Variants in TMEM50B observed in about 807,000 individuals in gnomAD.
TMEM50B encodes the protein transmembrane protein 50B, also known as HCV p7-trans-regulated protein 3.
A neutral mutation model predicts 23.4 loss-of-function variants in TMEM50B; 14 were observed. The observed-to-expected ratio is 0.60, with a 90% CI of 0.39 to 0.93. The LOEUF is 0.93. Ranked by LOEUF, TMEM50B falls within the 40% of genes least tolerant of loss-of-function variation. The pLI, the probability that TMEM50B is intolerant of heterozygous loss-of-function variation, is 0.00. For synonymous variants in TMEM50B, 64 were observed against 62.3 expected (o/e 1.03, Z -0.13); for missense variants, 159 against 193.0 (o/e 0.82, Z 1.04).
chr21:33,452,698 G>A (rs2084132905), intron 6 of TMEM50B, among the ~76,000 whole-genome samples: 1 of 152,130 alleles, frequency 6.6e-6, no homozygotes, highest in Non-Finnish European at 1.5e-5. Flanking sequence ...TCACCTAACT[G>A]CATCCCAAAA....
At chr21:33,443,861 A>C (rs1240974836) in intron 7 of TMEM50B, among the ~76,000 whole-genome samples, 1 of 91,762 alleles carries the variant, frequency 1.1e-5, no homozygotes. Flanking sequence ...AACTTCTGGG[A>C]ATCTGAAAGG....
In TMEM50B at chr21:33,436,844, C is replaced by A. The variant is rs774200880; in HGVS notation, c.*2120+2370G>T. The A allele has an allele frequency of 2.5e-6, 4 of 1,614,052 alleles. No homozygotes were observed. The African/African-American group carries it at 5.3e-5, about 22-fold the overall frequency. On this transcript the variant is annotated intron_variant and NMD_transcript_variant, in intron 8 of 8. Transcript: ENST00000420455. ...CTCCTCAAGTATTTAAAAGACCCAACTCAGCCCATCTTAGAGGCCTTGGAC... is the reference window on the plus strand; with the variant it reads ...CTCCTCAAGTATTTAAAAGACCCAAATCAGCCCATCTTAGAGGCCTTGGAC...
chr21:33,464,461 A>G (rs2084246025), intron 4 of TMEM50B, among the ~76,000 whole-genome samples: 1 of 148,442 alleles, frequency 6.7e-6, no homozygotes, highest in Admixed American at 6.7e-5. Flanking sequence ...CAGCCTCCCA[A>G]AGTGCTGGGA....
At chr21:33,453,868 C>T (rs1168224109) in intron 6 of TMEM50B, among the ~76,000 whole-genome samples, 1 of 152,038 alleles carries the variant, frequency 6.6e-6, no homozygotes, top group Non-Finnish European at 1.5e-5. Flanking sequence ...CTTTGGGAGG[C>T]TGAGGTGGGC....
intron 7 of TMEM50B, among the ~76,000 whole-genome samples, chr21:33,440,884 AAATAAT>A (rs1041458632): frequency 3.9e-4 from 59 of 152,146 alleles, no homozygotes; most frequent in African/African-American, 1.4e-3. Context: ...CTGTCTCAAA[AAATAAT>A]AATAAAATAA....
chr21:33,436,709 G>C (rs2083955752), intron 8 of TMEM50B: 1 of 763,738 alleles, frequency 1.3e-6, no homozygotes, highest in African/African-American at 1.8e-5. Flanking sequence ...GCAAGAGTAA[G>C]ACTCCATCTC....
At chr21:33,441,181 G>A (rs1288806035) in intron 7 of TMEM50B, among the ~76,000 whole-genome samples, 1 of 151,740 alleles carries the variant, frequency 6.6e-6, no homozygotes, top group Admixed American at 6.6e-5. Flanking sequence ...AGTGAGCCCA[G>A]ATGACACCAC....
chr21:33,463,313 T>A lies in TMEM50B; in HGVS notation c.280+2029A>T, dbSNP rs893937978. ...TCTCAAACAAAATAAATACAAAATTTAAAAAATAAAACATCAAGTAGAAAA... is the reference window on the plus strand; with the variant it reads ...TCTCAAACAAAATAAATACAAAATTAAAAAAATAAAACATCAAGTAGAAAA... On this transcript the variant is annotated intron_variant, in intron 4 of 6. Transcript: ENST00000542230. 1.1e-4 allele frequency among the ~76,000 whole-genome samples: 17 copies of A among 151,934 alleles called. 1 individual carries two copies. Among genetic ancestry groups the A allele is most frequent in the Admixed American group, 9.8e-4 (15 of 15,234 alleles).
chr21:33,433,643 A>T (rs1404845372), intron 8 of TMEM50B, among the ~76,000 whole-genome samples: 1 of 152,054 alleles, frequency 6.6e-6, no homozygotes, highest in Non-Finnish European at 1.5e-5. Flanking sequence ...ATGGGGCCAG[A>T]GTTTCAGTTC....
chr21:33,476,760 CAAA>C (rs10645412), intron 1 of TMEM50B, among the ~76,000 whole-genome samples: 1 of 68,430 alleles, frequency 1.5e-5, no homozygotes, highest in Non-Finnish European at 2.8e-5. Flanking sequence ...GACTCCATCT[CAAA>C]AAAAAAAAAA....
chr21:33,451,259 A>T (rs2084117224), intron 6 of TMEM50B, among the ~76,000 whole-genome samples: 1 of 152,190 alleles, frequency 6.6e-6, no homozygotes, highest in South Asian at 2.1e-4. Context: ...TAACTGAAGC[A>T]CCCTACAACA....
In TMEM50B at chr21:33,466,951, T is replaced by G; in HGVS notation, c.212+59A>C. ...AAGTTATTCAAGAAAGCACTGCACA[T>G]TAACAGGAAAGTATTTTTAGAAAAA... On this transcript the variant is annotated intron_variant, in intron 3 of 6. Coordinates refer to ENST00000542230, the MANE Select transcript of TMEM50B (RefSeq NM_006134.7). The G allele has an allele frequency of 4.2e-6, 6 of 1,416,690 alleles. No homozygotes were observed. The South Asian group carries it at 7.1e-5, about 17-fold the overall frequency. 87.8% of individuals were successfully genotyped at this position (1,416,690 alleles called of 1,614,324 possible).
intron 7 of TMEM50B, among the ~76,000 whole-genome samples, chr21:33,440,456 T>G (rs2083998270): frequency 6.6e-6 from 1 of 151,374 alleles, no homozygotes; most frequent in South Asian, 2.1e-4. Flanking sequence ...GGCATGGTGG[T>G]GCATGCCTGT....
downstream of TMEM50B, among the ~76,000 whole-genome samples, chr21:33,447,544 A>G (rs2084074116): frequency 1.3e-5 from 2 of 152,180 alleles, no homozygotes; most frequent in African/African-American, 4.8e-5. Context: ...CATGAGTTCA[A>G]TGCACCCATG....
chr21:33,457,083 T>C (rs1486039778), intron 5 of TMEM50B, among the ~76,000 whole-genome samples: 1 of 151,916 alleles, frequency 6.6e-6, no homozygotes, highest in African/African-American at 2.4e-5. Context: ...GGGGAAACCC[T>C]GTCTCTACTA....
downstream of TMEM50B, among the ~76,000 whole-genome samples, chr21:33,446,824 C>T (rs9976414): frequency 0.59 from 88,686 of 151,438 alleles, 27,968 homozygotes; most frequent in East Asian, 0.83. Context: ...GCCTGGGCAA[C>T]ATAGCAAGAC....
rs1208515968 is a variant in TMEM50B, at chr21:33,468,806, G to A, written c.80C>T (p.Ser27Phe). 2.5e-6 allele frequency: 4 copies of A among 1,613,860 alleles called. No homozygotes were observed. The highest frequency in any genetic ancestry group is 3.4e-6 in the Non-Finnish European group (4 of 1,179,922). The change falls in exon 2 of 7, where the codon TCT becomes TTT. Residue 27 changes from serine to phenylalanine, a missense_variant. By Grantham distance (155) the Ser-to-Phe change is radical. Transcript: ENST00000542230. ...DWSERRNAVA[S>F]VVAGILFFTG... ...ACTTACCAATATACCTGCGACAACA[G>A]ATGCCACAGCATTTCTTCTCTCACT...
At chr21:33,448,685 G>A (rs1156385653), downstream of TMEM50B, 2 of 152,090 alleles carry the variant, frequency 1.3e-5, no homozygotes, top group African/African-American at 4.8e-5. Context: ...GTTTCACCAT[G>A]TTAGCCAGGA....
chr21:33,474,638 G>A (rs1229436633), intron 1 of TMEM50B, among the ~76,000 whole-genome samples: 2 of 145,350 alleles, frequency 1.4e-5, no homozygotes, highest in African/African-American at 5.1e-5. Flanking sequence ...AGCTGGGCGT[G>A]GTGGTGGATG....
Sources: gnomAD v4.1 joint callset for allele counts (sites outside exome capture counted in the v4.1 genomes callset) on GRCh38, gnomAD v4.1.1 for gene constraint, MANE v1.5 for transcripts, NCBI Gene and HGNC (gene_info 2026-07-23, HGNC 2026-07-21) for gene names.